Variants in SLC44A5 observed in about 807,000 individuals in gnomAD.
SLC44A5 encodes the protein choline transporter-like protein 5.
Under a neutral mutation model 101.8 loss-of-function variants are expected in SLC44A5, and 57 were observed. The ratio of observed to expected loss-of-function variants is 0.56; its 90% CI spans 0.45 to 0.70. The LOEUF is 0.70. Ranked by LOEUF, SLC44A5 falls within the 30% of genes least tolerant of loss-of-function variation. The pLI is 0.00. For synonymous variants in SLC44A5, 281 were observed against 290.9 expected (o/e 0.97, Z 0.35); for missense variants, 737 against 853.1 (o/e 0.86, Z 1.70).
intron 2 of SLC44A5, among the ~76,000 whole-genome samples, chr1:75,511,240 G>T (rs957685899): frequency 2.6e-5 from 4 of 152,202 alleles, no homozygotes; most frequent in African/African-American, 9.6e-5. Context: ...GAACAGAAAT[G>T]CTAAATGTAG....
At chr1:75,613,365 A>G (rs1331460147), upstream of SLC44A5, among the ~76,000 whole-genome samples, 2 of 152,240 alleles carry the variant, frequency 1.3e-5, no homozygotes, top group East Asian at 3.8e-4. Flanking sequence ...AGAGCAGTTC[A>G]GCAAGCCTGC....
intron 10 of SLC44A5, 101 bp downstream of exon 10, chr1:75,238,412 A>ATATATATATATATATATATG (rs1443013609): frequency 2.7e-5 from 9 of 334,094 alleles, no homozygotes; most frequent in African/African-American, 1.8e-4. Flanking sequence ...ATATATATAT[A>ATATATATATATATATATATG]TGTGATTATT....
intron 4 of SLC44A5, among the ~76,000 whole-genome samples, chr1:75,304,472 G>C (rs868538498): frequency 6.6e-6 from 1 of 152,024 alleles, no homozygotes; most frequent in Non-Finnish European, 1.5e-5. Context: ...AATATAGCTT[G>C]GGCACCATTT....
chr1:75,245,169 A>G (rs1648995992), intron 7 of SLC44A5, among the ~76,000 whole-genome samples: 1 of 152,100 alleles, frequency 6.6e-6, no homozygotes, highest in Non-Finnish European at 1.5e-5. Flanking sequence ...TTGGCAGGGC[A>G]AACAACTCAT....
At chr1:75,450,966 C>A (rs1665874899) in intron 2 of SLC44A5, among the ~76,000 whole-genome samples, 1 of 152,154 alleles carries the variant, frequency 6.6e-6, no homozygotes. Flanking sequence ...CACATCCAAG[C>A]AGGTCTTTAG....
At chr1:75,374,751 T>A (rs1660460470) in intron 3 of SLC44A5, among the ~76,000 whole-genome samples, 1 of 152,050 alleles carries the variant, frequency 6.6e-6, no homozygotes. Context: ...GATCCACAAC[T>A]GAGGAACTCT....
intron 4 of SLC44A5, among the ~76,000 whole-genome samples, chr1:75,330,521 T>C (rs1329506489): frequency 1.3e-5 from 2 of 152,162 alleles, no homozygotes. Context: ...TAGGCAAGAC[T>C]CTCCAATTGT....
At chr1:75,356,745 G>C (rs183770609) in intron 3 of SLC44A5, among the ~76,000 whole-genome samples, 1 of 152,204 alleles carries the variant, frequency 6.6e-6, no homozygotes, top group African/African-American at 2.4e-5. Context: ...TTAATTGTAA[G>C]TGCCGTATTT....
chr1:75,331,189 C>T (rs1046757127), intron 4 of SLC44A5, among the ~76,000 whole-genome samples: 2 of 152,118 alleles, frequency 1.3e-5, no homozygotes, highest in African/African-American at 4.8e-5. Context: ...ACTCCCAATT[C>T]TTGATCACCA....
chr1:75,278,750 G>C (rs1028739987), intron 5 of SLC44A5, among the ~76,000 whole-genome samples: 11 of 152,028 alleles, frequency 7.2e-5, no homozygotes, highest in African/African-American at 2.7e-4. Context: ...TATGTATATT[G>C]AATAGGAAAA....
intron 4 of SLC44A5, among the ~76,000 whole-genome samples, chr1:75,331,401 G>T (rs765776691): frequency 2.0e-5 from 3 of 151,842 alleles, no homozygotes; most frequent in Non-Finnish European, 4.4e-5. Flanking sequence ...TTTTTCTCTT[G>T]CTTTTCACAT....
At chr1:75,239,419 A>G (rs1034729717) in intron 9 of SLC44A5, among the ~76,000 whole-genome samples, 2 of 152,014 alleles carry the variant, frequency 1.3e-5, no homozygotes, top group African/African-American at 4.8e-5. Context: ...TTCTTATAAG[A>G]AGCATCACTG....
intron 2 of SLC44A5, among the ~76,000 whole-genome samples, chr1:75,412,128 G>T (rs1163896525): frequency 1.3e-5 from 2 of 152,110 alleles, no homozygotes; most frequent in Admixed American, 6.6e-5. Context: ...TTCATGCAGA[G>T]ACATAGTATT....
At chr1:75,510,806 T>C (rs1669523556) in intron 2 of SLC44A5, among the ~76,000 whole-genome samples, 1 of 152,134 alleles carries the variant, frequency 6.6e-6, no homozygotes, top group Non-Finnish European at 1.5e-5. Context: ...ATATCTAATC[T>C]CTGAACCCAA....
intron 4 of SLC44A5, among the ~76,000 whole-genome samples, chr1:75,333,673 T>C (rs981602046): frequency 3.9e-5 from 6 of 152,136 alleles, no homozygotes; most frequent in Admixed American, 2.6e-4. Context: ...TGAAGTTCAG[T>C]AGGAGAGGCA....
At chr1:75,555,747 G>A (rs1160173750) in intron 1 of SLC44A5, among the ~76,000 whole-genome samples, 2 of 152,068 alleles carry the variant, frequency 1.3e-5, no homozygotes, top group Non-Finnish European at 2.9e-5. Flanking sequence ...TATGGGAAAT[G>A]TTCCACTAGA....
At chr1:75,429,391 T>C (rs375383977) in intron 2 of SLC44A5, among the ~76,000 whole-genome samples, 20 of 152,180 alleles carry the variant, frequency 1.3e-4, no homozygotes, top group African/African-American at 4.8e-4. Context: ...ATCTGGATCC[T>C]CACTATCATG....
chr1:75,713,551 C>T, the SLC44A5 span, among the ~76,000 whole-genome samples: 3 of 152,092 alleles, frequency 2.0e-5, no homozygotes, highest in Non-Finnish European at 2.9e-5. Context: ...ATATCATATG[C>T]CCATGGGTTA....
intron 2 of SLC44A5, among the ~76,000 whole-genome samples, chr1:75,495,475 A>T (rs1326643216): frequency 6.6e-6 from 1 of 152,066 alleles, no homozygotes; most frequent in Non-Finnish European, 1.5e-5. Context: ...AGAAACAAAC[A>T]AAAAGTCATA....
Sources: gnomAD v4.1 joint callset for allele counts (sites outside exome capture counted in the v4.1 genomes callset) on GRCh38, gnomAD v4.1.1 for gene constraint, MANE v1.5 for transcripts, NCBI Gene and HGNC (gene_info 2026-07-23, HGNC 2026-07-21) for gene names.